Variants in CC2D1A observed in about 807,000 individuals in gnomAD.
CC2D1A encodes the protein coiled-coil and C2 domain-containing protein 1A.
A neutral mutation model predicts 123.8 loss-of-function variants in CC2D1A; 68 were observed. That is an observed-to-expected ratio of 0.55 (90% CI 0.45 to 0.67). The LOEUF (loss-of-function observed/expected upper bound fraction) is 0.67. CC2D1A is among the 30% of genes least tolerant of loss of function. The probability of loss-of-function intolerance (pLI) is 0.00; values close to 1 mark genes in which losing one functional copy is unlikely to be tolerated. For synonymous variants in CC2D1A, 477 were observed against 528.0 expected, an observed-to-expected ratio of 0.90 and a Z score of 1.32; for missense variants, 1,185 against 1,290.3, an observed-to-expected ratio of 0.92 and a Z score of 1.25.
intron 11 of CC2D1A, 62 bp downstream of exon 11, chr19:13,919,264 G>T (rs1971323435): frequency 1.5e-6 from 2 of 1,329,506 alleles, no homozygotes; most frequent in South Asian, 1.4e-5. Context: ...CCCGCCCCCA[G>T]AGGCCCCGCC....
rs144337766 is a variant in CC2D1A at position 13,922,155 on chromosome 19, C to T, written c.1642-1178C>T. On this transcript the variant is annotated intron_variant, in intron 14 of 28. Transcript: ENST00000318003. The stretch of plus-strand genomic sequence containing the variant: ...TAGCTGGAACTACAGGCACACGCCA[C>T]CATGCCCGGCTAATTTTTATATTTT... Among the ~76,000 whole-genome samples the T allele has an allele frequency of 2.8e-3, 431 of 152,320 alleles. 2 individuals are homozygous for T. Among genetic ancestry groups the T allele is most frequent in the African/African-American group, 9.8e-3 (409 of 41,570 alleles).
chr19:13,919,613 C>G (rs557596286), intron 11 of CC2D1A: 3 of 425,332 alleles, frequency 7.1e-6, no homozygotes, highest in Non-Finnish European at 1.2e-5. Flanking sequence ...TGGTGCACAC[C>G]TGCAGTCCCA....
At position 13,930,586 on chromosome 19, in the gene CC2D1A, G is replaced by A. The variant is rs8103153; in HGVS notation, c.*191G>A. The A allele has an allele frequency of 2.3e-3, 1,483 of 656,452 alleles. 16 individuals are homozygous for A. In the African/African-American group the frequency reaches 0.024, roughly 11 times the overall value. 40.7% of individuals were successfully genotyped at this position (656,452 alleles called of 1,614,324 possible). A position where few individuals can be genotyped will look rare whatever the true frequency, so the allele number is the denominator to read the frequency against. On this transcript the variant is annotated 3_prime_UTR_variant, in exon 29 of 29. Transcript: ENST00000318003. The surrounding 1 kb of genome is among the most constrained non-coding windows in gnomAD (Gnocchi z 6.8). ...TGTTGGGAACCATGCCTGCCAGCCA[G>A]TATGTGCCCCTCACCCAGGCCTGGC...
Position 13,918,910 on chromosome 19 carries a change from A to T in CC2D1A, c.1019-2A>T. 1.2e-6 allele frequency: 2 copies of T among 1,609,244 alleles called. No homozygotes were observed. Among genetic ancestry groups the T allele is most frequent in the Non-Finnish European group, 1.7e-6 (2 of 1,177,190 alleles). Reference sequence around the variant, plus strand: ...TTAACCTTGTCCCCCTGTCCGGCCCAGAGGTGCCCCCACCCCCGAGGACCC... The same window carrying T: ...TTAACCTTGTCCCCCTGTCCGGCCCTGAGGTGCCCCCACCCCCGAGGACCC... On this transcript the variant is annotated splice_acceptor_variant, in intron 9 of 28. Coordinates refer to ENST00000318003, the MANE Select transcript of CC2D1A (RefSeq NM_017721.5). LOFTEE classifies it high-confidence loss of function.
chr19:13,918,917 C>T lies in CC2D1A; in HGVS notation c.1024C>T (p.Pro342Ser). 1.2e-6 allele frequency: 2 copies of T among 1,608,846 alleles called. No individual in the cohort carries two copies. The highest frequency in any genetic ancestry group is 1.7e-6 in the Non-Finnish European group (2 of 1,176,968). ...PATAPSTTEV[P>S]PPPRTLLEAL... ...TGTCCCCCTGTCCGGCCCAGAGGTG[C>T]CCCCACCCCCGAGGACCCTGCTGGA... The change falls in exon 10 of 29, where the codon CCC becomes TCC. Residue 342 changes from proline (P) to serine (S), a missense_variant. Pro to Ser is a moderately conservative substitution (Grantham distance 74). Coordinates refer to ENST00000318003, the MANE Select transcript of CC2D1A (RefSeq NM_017721.5).
At chr19:13,907,944 A>G (rs769773779) in intron 1 of CC2D1A, among the ~76,000 whole-genome samples, 1 of 152,224 alleles carries the variant, frequency 6.6e-6, no homozygotes, top group Non-Finnish European at 1.5e-5. Context: ...ATGATTGGTC[A>G]TTAGCCAAGA....
At chr19:13,908,370 T>C (rs963559729) in intron 1 of CC2D1A, among the ~76,000 whole-genome samples, 1 of 152,130 alleles carries the variant, frequency 6.6e-6, no homozygotes, top group African/African-American at 2.4e-5. Context: ...AGTCTCGAAC[T>C]GCTGACCTCA....
At chr19:13,918,436 G>A (rs1334308731) in intron 7 of CC2D1A, 68 bp from the exon 8 acceptor site, 26 of 1,477,308 alleles carry the variant, frequency 1.8e-5, no homozygotes, top group Non-Finnish European at 2.0e-5. Flanking sequence ...GGAAGGGCCC[G>A]GAGGCTCCCC....
chr19:13,929,209 A>G (rs571605229), intron 24 of CC2D1A, among the ~76,000 whole-genome samples, 170 bp from the exon 25 acceptor site: 22 of 145,600 alleles, frequency 1.5e-4, no homozygotes, highest in East Asian at 4.1e-4. Context: ...GTTTCACCAT[A>G]TTGGCCAGGC....
intron 6 of CC2D1A, among the ~76,000 whole-genome samples, chr19:13,916,693 A>G (rs941892169): frequency 3.9e-5 from 6 of 152,214 alleles, no homozygotes; most frequent in Non-Finnish European, 7.3e-5. Context: ...ATCACAGGAA[A>G]TAAAACCAAT....
At position 13,930,511 on chromosome 19, in the gene CC2D1A, T is replaced by C; in HGVS notation, c.*116T>C. 2 of 1,222,666 alleles carry C rather than the reference T, an allele frequency of 1.6e-6. No individual in the cohort carries two copies. The highest frequency in any genetic ancestry group is 2.2e-6 in the Non-Finnish European group (2 of 901,172). 75.7% of individuals were successfully genotyped at this position (1,222,666 alleles called of 1,614,324 possible). On this transcript the variant is annotated 3_prime_UTR_variant, in exon 29 of 29. Coordinates refer to ENST00000318003, the MANE Select transcript of CC2D1A (RefSeq NM_017721.5). This position sits in a 1 kb window ranked among gnomAD's most constrained non-coding sequence, Gnocchi z 6.8. ...AATCAGCGGACAATCGGTTCTGGAC[T>C]CACCCCTCATCCGGGCCCCCAGCCC...
intron 17 of CC2D1A, among the ~76,000 whole-genome samples, chr19:13,925,933 A>AAATATATAT (rs1315518981): frequency 5.5e-5 from 5 of 91,038 alleles, no homozygotes; most frequent in African/African-American, 2.0e-4. Flanking sequence ...AAAAAAAAAA[A>AAATATATAT]ATATATATAT....
chr19:13,920,931 T>G lies in CC2D1A; in HGVS notation c.1641+9T>G. On this transcript the variant is annotated intron_variant, in intron 14 of 28. Transcript: ENST00000318003. Reference sequence around the variant, plus strand: ...CTGTGGACATCACCAAGGTGAACCTTCTGGGCTTGTGGGAACTGCCCAGGC... The same window carrying G: ...CTGTGGACATCACCAAGGTGAACCTGCTGGGCTTGTGGGAACTGCCCAGGC... The G allele has an allele frequency of 6.2e-7, 1 of 1,605,382 alleles. No individual in the cohort carries two copies. Among genetic ancestry groups the G allele is most frequent in the South Asian group, 1.1e-5 (1 of 90,402 alleles).
At chr19:13,917,984 A>G in intron 6 of CC2D1A, 86 bp from the exon 7 acceptor site, 1 of 1,448,878 alleles carries the variant, frequency 6.9e-7, no homozygotes, top group Non-Finnish European at 9.3e-7. Context: ...AAGAAAAAAA[A>G]AATTAAATAA....
Position 13,913,223 on chromosome 19 carries a change from C to A in CC2D1A, c.434C>A (p.Ala145Glu), listed in dbSNP as rs201408291. ...GLETTLQERLALYQTAIESAR... is the reference protein window; with the variant it reads ...GLETTLQERLELYQTAIESAR... ...GAGACCACCTTGCAGGAGAGGCTGG[C>A]GCTCTATCAGACAGCAATTGAAAGC... Residue 145 changes from alanine (A) to glutamate (E), a missense_variant, in exon 5 of 29, where the codon GCG (alanine) becomes GAG (glutamate). Ala to Glu is a moderately radical substitution (Grantham distance 107, BLOSUM62 -1). Transcript: ENST00000318003. The A allele has an allele frequency of 1.2e-6, 2 of 1,612,308 alleles. No individual in the cohort carries two copies. The highest frequency in any genetic ancestry group is 4.5e-5 in the East Asian group (2 of 44,846).
intron 18 of CC2D1A, 24 bp downstream of exon 18, chr19:13,926,614 C>G (rs1971650500): frequency 6.2e-7 from 1 of 1,614,030 alleles, no homozygotes; most frequent in African/African-American, 1.3e-5. Flanking sequence ...AGGCAAGGGT[C>G]AGGGTCATGG....
intron 17 of CC2D1A, among the ~76,000 whole-genome samples, chr19:13,925,917 C>CT (rs1971574947): frequency 3.6e-5 from 1 of 27,708 alleles, no homozygotes. Flanking sequence ...AAGACTCTGT[C>CT]TAAAAAAAAA....
At position 13,907,498 on chromosome 19, in the gene CC2D1A, C is replaced by T. The variant is rs138670080; in HGVS notation, c.60+997C>T. 4.0e-3 allele frequency among the ~76,000 whole-genome samples: 602 copies of T among 151,814 alleles called. 3 individuals are homozygous for T. Among genetic ancestry groups the T allele is most frequent in the African/African-American group, 0.014 (575 of 41,418 alleles). On this transcript the variant is annotated intron_variant, in intron 1 of 28. Coordinates refer to ENST00000318003, the MANE Select transcript of CC2D1A (RefSeq NM_017721.5). ...AGCACTTTGGGAGGCCATGGCGAAA[C>T]CCCATCTCTACTAAAAATACAAAAA...
intron 6 of CC2D1A, among the ~76,000 whole-genome samples, chr19:13,914,067 G>A (rs1310996829): frequency 6.6e-6 from 1 of 151,882 alleles, no homozygotes; most frequent in African/African-American, 2.4e-5. Context: ...GAGTAGAGAT[G>A]GGGTTTCACC....
Sources: gnomAD v4.1 joint callset for allele counts (sites outside exome capture counted in the v4.1 genomes callset) on GRCh38, gnomAD v4.1.1 for gene constraint, Gnocchi (gnomAD v3.1) non-coding constraint, MANE v1.5 for transcripts, NCBI Gene and HGNC (gene_info 2026-07-23, HGNC 2026-07-21) for gene names.